Variants in YAE1 observed in about 807,000 individuals in gnomAD.
YAE1 encodes protein YAE1 homolog.
A neutral mutation model predicts 23.0 loss-of-function variants in YAE1; 22 were observed. The observed-to-expected ratio is 0.96, with a 90% CI of 0.68 to 1.37. The LOEUF is 1.37. Ranked by LOEUF, YAE1 falls within the 40% of genes most tolerant of loss-of-function variation. YAE1 has a pLI of 0.00. For missense variants in YAE1, 260 were observed against 262.1 expected (o/e 0.99, Z 0.06); for synonymous variants, 101 against 97.0 (o/e 1.04, Z -0.24).
chr7:39,605,732 T>C (rs1387060814), intron 2 of YAE1, among the ~76,000 whole-genome samples: 30 of 152,160 alleles, frequency 2.0e-4, no homozygotes, highest in Non-Finnish European at 2.9e-4. Context: ...TTTTTTTCTC[T>C]CTCTCTCTGT....
intron 2 of YAE1, among the ~76,000 whole-genome samples, chr7:39,591,945 CT>C (rs1428911586): frequency 6.6e-6 from 1 of 152,292 alleles, no homozygotes; most frequent in East Asian, 1.9e-4. Context: ...ATTATGTAGC[CT>C]TTTCAGATTA....
At chr7:39,568,636 A>C (rs1790513989) in intron 1 of YAE1, among the ~76,000 whole-genome samples, 1 of 152,236 alleles carries the variant, frequency 6.6e-6, no homozygotes, top group South Asian at 2.1e-4. Context: ...AAACAACAAC[A>C]AAAAATGCTG....
chr7:39,608,180 AACTTTTAAAAATTG>A (rs1335384167), intron 2 of YAE1, among the ~76,000 whole-genome samples: 2 of 152,258 alleles, frequency 1.3e-5, no homozygotes, highest in Non-Finnish European at 2.9e-5. Context: ...AAAGGTATGC[AACTTTTAAAAATTG>A]ACTTAGAAAC....
chr7:39,591,047 G>C (rs1423153274), intron 2 of YAE1, among the ~76,000 whole-genome samples: 1 of 152,180 alleles, frequency 6.6e-6, no homozygotes, highest in Admixed American at 6.5e-5. Context: ...GGTTCCTTCT[G>C]AGGCCTCTCT....
chr7:39,601,890 T>C (rs1445801751), intron 2 of YAE1, among the ~76,000 whole-genome samples: 1 of 152,162 alleles, frequency 6.6e-6, no homozygotes, highest in Non-Finnish European at 1.5e-5. Flanking sequence ...GATATGAAAT[T>C]AGAAAAGTTA....
intron 2 of YAE1, among the ~76,000 whole-genome samples, chr7:39,604,592 T>A (rs778497240): frequency 4.6e-5 from 7 of 152,246 alleles, no homozygotes; most frequent in Non-Finnish European, 7.3e-5. Context: ...AAACCATTTA[T>A]GTAAACTACT....
chr7:39,583,763 A>G (rs934090855), intron 2 of YAE1, among the ~76,000 whole-genome samples: 1 of 152,194 alleles, frequency 6.6e-6, no homozygotes, highest in Non-Finnish European at 1.5e-5. Flanking sequence ...ACGTGCAATT[A>G]TGTATGTAAA....
downstream of YAE1, among the ~76,000 whole-genome samples, chr7:39,574,822 T>C (rs1048897362): frequency 3.3e-5 from 5 of 151,868 alleles, no homozygotes; most frequent in Middle Eastern, 3.4e-3. Context: ...GGAGGATCAC[T>C]TGAGTGCAGA....
chr7:39,588,501 C>A (rs1331417165), intron 2 of YAE1, among the ~76,000 whole-genome samples: 10 of 121,064 alleles, frequency 8.3e-5, no homozygotes, highest in Non-Finnish European at 1.4e-4. Flanking sequence ...GACTCCATCT[C>A]AAAAAAAAAA....
chr7:39,566,686 T>G (rs565823885), intron 1 of YAE1, 139 bp downstream of exon 1: 1 of 1,195,456 alleles, frequency 8.4e-7, no homozygotes, highest in Non-Finnish European at 1.1e-6. Flanking sequence ...ACCCGCGTCT[T>G]GCTAGGATTT....
intron 2 of YAE1, among the ~76,000 whole-genome samples, chr7:39,594,654 A>G (rs751003157): frequency 1.2e-4 from 18 of 151,632 alleles, no homozygotes; most frequent in Non-Finnish European, 1.3e-4. Flanking sequence ...AGGCTGGAGT[A>G]CAATGGCGTG....
intron 2 of YAE1, among the ~76,000 whole-genome samples, chr7:39,587,020 TTCTTTC>T (rs1554292187): frequency 5.3e-5 from 8 of 150,204 alleles, no homozygotes; most frequent in Non-Finnish European, 8.9e-5. Context: ...TTCTTTTCTT[TTCTTTC>T]TCTTTCTCTT....
At chr7:39,608,186 T>C (rs1791157577) in intron 2 of YAE1, among the ~76,000 whole-genome samples, 1 of 152,226 alleles carries the variant, frequency 6.6e-6, no homozygotes, top group South Asian at 2.1e-4. Context: ...ATGCAACTTT[T>C]AAAAATTGAC....
chr7:39,594,447 C>G (rs1242838595), intron 2 of YAE1, among the ~76,000 whole-genome samples: 2 of 152,168 alleles, frequency 1.3e-5, no homozygotes, highest in African/African-American at 4.8e-5. Flanking sequence ...CAATGCCTTT[C>G]TTTTCCTCTA....
chr7:39,611,647 C>T (rs144731649), downstream of YAE1, among the ~76,000 whole-genome samples: 166 of 152,276 alleles, frequency 1.1e-3, no homozygotes, highest in African/African-American at 4.0e-3. Context: ...GTATTCTGCC[C>T]CTTGTTTCCA....
exon 3 of YAE1, chr7:39,610,053 C>T (rs983988340): frequency 1.4e-6 from 2 of 1,461,294 alleles, no homozygotes; most frequent in Admixed American, 2.5e-5. Context: ...GCACCCAGCA[C>T]CCAGTGCTGC....
intron 2 of YAE1, among the ~76,000 whole-genome samples, chr7:39,603,476 C>T (rs1255430617): frequency 6.6e-6 from 1 of 152,038 alleles, no homozygotes; most frequent in East Asian, 1.9e-4. Flanking sequence ...AAACCAGAGT[C>T]CCTAAGTAGG....
intron 2 of YAE1, chr7:39,609,611 A>G: frequency 1.3e-6 from 2 of 1,533,180 alleles, no homozygotes; most frequent in South Asian, 1.2e-5. Context: ...TTGTCTATCA[A>G]AACAGGAACT....
chr7:39,605,937 T>TTTTTG (rs899052146), intron 2 of YAE1, among the ~76,000 whole-genome samples: 17 of 152,246 alleles, frequency 1.1e-4, no homozygotes, highest in South Asian at 2.1e-4. Context: ...AGAGTTCTTT[T>TTTTTG]TTTTGTTTTG....
Sources: allele counts gnomAD v4.1 joint callset (sites outside exome capture counted in the v4.1 genomes callset), GRCh38; gene constraint gnomAD v4.1.1; transcripts MANE v1.5; gene names NCBI Gene and HGNC (gene_info 2026-07-23, HGNC 2026-07-21).